CHRM3: variants seen among roughly 807,000 people sequenced by gnomAD.
The protein encoded by CHRM3 is cholinergic receptor muscarinic 3.
In CHRM3, 11 loss-of-function variants were observed where a neutral mutation model predicts 41.8. The ratio of observed to expected loss-of-function variants is 0.26; its 90% CI spans 0.17 to 0.44. The LOEUF (loss-of-function observed/expected upper bound fraction) is 0.44, where lower values mean the gene tolerates loss of function less well. CHRM3 is among the 20% of genes least tolerant of loss of function. The pLI is 1.00. For missense variants in CHRM3, 571 were observed against 745.4 expected, an observed-to-expected ratio of 0.77 and a Z score of 2.72; for synonymous variants, 297 against 301.4, an observed-to-expected ratio of 0.99 and a Z score of 0.15.
rs563404720 is a variant in CHRM3 at position 239,462,403 on chromosome 1, C to T, written c.-520-30306C>T. Among the ~76,000 whole-genome samples the T allele has an allele frequency of 8.6e-4, 131 of 152,130 alleles. 1 individual carries two copies. Among genetic ancestry groups the T allele is most frequent in the African/African-American group, 3.1e-3 (127 of 41,516 alleles). ...AAAGTCATGATTCTGAATCTTAATG[C>T]TCAAAAGGAAAAAAAAATTTTTCAT... On this transcript the variant is annotated intron_variant, in intron 1 of 6. Transcript: ENST00000676153.
intron 1 of CHRM3, among the ~76,000 whole-genome samples, chr1:239,415,560 A>G (rs1038479108): frequency 6.6e-6 from 1 of 152,242 alleles, no homozygotes; most frequent in Admixed American, 6.5e-5. Context: ...GAAAATATAA[A>G]GTTGTAAACA....
chr1:239,739,406 C>T (rs906240569), intron 5 of CHRM3, among the ~76,000 whole-genome samples: 13 of 152,290 alleles, frequency 8.5e-5, no homozygotes, highest in Non-Finnish European at 1.8e-4. Flanking sequence ...CCAACTGCAG[C>T]AATCTTTCAC....
intron 1 of CHRM3, among the ~76,000 whole-genome samples, chr1:239,465,601 C>G (rs1372532041): frequency 1.3e-5 from 2 of 152,116 alleles, no homozygotes; most frequent in African/African-American, 4.8e-5. Context: ...GGTTTGCCTT[C>G]TCTTCCATGG....
At chr1:239,776,841 A>G (rs1317086497) in intron 5 of CHRM3, among the ~76,000 whole-genome samples, 1 of 152,126 alleles carries the variant, frequency 6.6e-6, no homozygotes, top group Non-Finnish European at 1.5e-5. Context: ...AGCAGCAAGG[A>G]GAAGTACAGA....
At chr1:239,507,590 G>A (rs551324337) in intron 2 of CHRM3, among the ~76,000 whole-genome samples, 267 of 152,310 alleles carry the variant, frequency 1.8e-3, no homozygotes, top group Non-Finnish European at 3.0e-3. Context: ...GATAATAACA[G>A]TGAAGATGAT....
intron 6 of CHRM3, among the ~76,000 whole-genome samples, chr1:239,874,752 G>A (rs1021584974): frequency 2.6e-5 from 4 of 151,700 alleles, no homozygotes; most frequent in African/African-American, 9.7e-5. Flanking sequence ...AGGCTGGAGT[G>A]CAATGGCGTG....
chr1:239,526,046 G>A (rs929263530), intron 2 of CHRM3, among the ~76,000 whole-genome samples: 3 of 152,094 alleles, frequency 2.0e-5, no homozygotes, highest in Admixed American at 6.6e-5. Context: ...GTCTCAGCTG[G>A]GTGTGATGGG....
intron 3 of CHRM3, among the ~76,000 whole-genome samples, chr1:239,576,519 T>G (rs536742676): frequency 6.6e-6 from 1 of 150,756 alleles, no homozygotes; most frequent in South Asian, 2.1e-4. Flanking sequence ...AAGGCAGGAG[T>G]ATTGCTTGAG....
chr1:239,617,964 C>T (rs1228181998), intron 3 of CHRM3, among the ~76,000 whole-genome samples: 1 of 152,070 alleles, frequency 6.6e-6, no homozygotes, highest in African/African-American at 2.4e-5. Flanking sequence ...GGCAGTATTG[C>T]TAAGTATCCT....
intron 2 of CHRM3, among the ~76,000 whole-genome samples, chr1:239,501,717 G>A (rs1474436202): frequency 1.3e-5 from 2 of 152,084 alleles, no homozygotes; most frequent in Non-Finnish European, 2.9e-5. Context: ...AATTAGCTGG[G>A]TGTGGTGGTG....
chr1:239,735,373 G>T (rs929302088), intron 5 of CHRM3, among the ~76,000 whole-genome samples: 5 of 152,158 alleles, frequency 3.3e-5, no homozygotes, highest in Non-Finnish European at 7.3e-5. Context: ...CTGTCTATCT[G>T]CTGCAACTGC....
At chr1:239,489,891 G>A (rs952592505) in intron 1 of CHRM3, among the ~76,000 whole-genome samples, 4 of 152,116 alleles carry the variant, frequency 2.6e-5, no homozygotes, top group African/African-American at 9.7e-5. Flanking sequence ...TGGGAAGAAG[G>A]AGGAAAAAAT....
chr1:239,801,512 T>A (rs965126245), intron 5 of CHRM3, among the ~76,000 whole-genome samples: 1 of 152,198 alleles, frequency 6.6e-6, no homozygotes, highest in African/African-American at 2.4e-5. Context: ...AGTGATTCCT[T>A]TATTGTTTCT....
chr1:239,901,132 C>G (rs1290084798), intron 6 of CHRM3, among the ~76,000 whole-genome samples: 2 of 152,176 alleles, frequency 1.3e-5, no homozygotes, highest in African/African-American at 2.4e-5. Context: ...GGGCACCAGA[C>G]AGGAGGGCAT....
intron 3 of CHRM3, among the ~76,000 whole-genome samples, chr1:239,615,988 A>C (rs930566233): frequency 1.4e-4 from 21 of 152,258 alleles, no homozygotes; most frequent in African/African-American, 5.1e-4. Context: ...CTCTCAACAT[A>C]CTTTTGCCTC....
intron 1 of CHRM3, among the ~76,000 whole-genome samples, chr1:239,460,981 G>A (rs1383589963): frequency 3.9e-5 from 6 of 152,288 alleles, no homozygotes; most frequent in African/African-American, 1.4e-4. Context: ...AAATTCACTG[G>A]ACTTTCTTAA....
At chr1:239,440,320 A>G (rs1312999722) in intron 1 of CHRM3, among the ~76,000 whole-genome samples, 1 of 151,692 alleles carries the variant, frequency 6.6e-6, no homozygotes, top group Non-Finnish European at 1.5e-5. Flanking sequence ...CACACACAAA[A>G]TGTGAGAAAA....
At chr1:239,793,803 A>ATTTTTTTTTTTTTTTTTTTTT (rs67460907) in intron 5 of CHRM3, among the ~76,000 whole-genome samples, 6 of 69,494 alleles carry the variant, frequency 8.6e-5, no homozygotes, top group African/African-American at 3.7e-4. Flanking sequence ...TGAAATGTGT[A>ATTTTTTTTTTTTTTTTTTTTT]TTTTTTTTTT....
chr1:239,866,989 G>A (rs1281284647), intron 6 of CHRM3, among the ~76,000 whole-genome samples: 6 of 152,166 alleles, frequency 3.9e-5, no homozygotes, highest in Non-Finnish European at 8.8e-5. Flanking sequence ...CCAGGCTAGT[G>A]CGTGGTAGAA....
Sources: gnomAD v4.1 joint callset for allele counts (sites outside exome capture counted in the v4.1 genomes callset) on GRCh38, gnomAD v4.1.1 for gene constraint, MANE v1.5 for transcripts, NCBI Gene and HGNC (gene_info 2026-07-23, HGNC 2026-07-21) for gene names.